The following WDR70 variants were observed in gnomAD, a reference collection of about 807,000 sequenced individuals.
The protein encoded by WDR70 is WD repeat-containing protein 70.
A neutral mutation model predicts 88.6 loss-of-function variants in WDR70; 53 were observed. The observed-to-expected ratio is 0.60, with a 90% CI of 0.48 to 0.75. WDR70 has a LOEUF of 0.75. WDR70 is among the 30% of genes least tolerant of loss of function. The pLI is 0.00. For missense variants in WDR70, 610 were observed against 823.2 expected (o/e 0.74, Z 3.17); for synonymous variants, 280 against 270.0 (o/e 1.04, Z -0.36).
rs201256518 is a variant in WDR70 at position 37,727,014 on chromosome 5, A to T, written c.1846A>T (p.Ser616Cys). Residue 616 changes from serine to cysteine, a missense_variant, in exon 17 of 18, where the codon AGC becomes TGC. Ser to Cys is a moderately radical substitution (Grantham distance 112, BLOSUM62 -1). This residue lies in a region of WDR70 where 70 missense variants were observed against 139.2 expected (regional missense o/e 0.50). Coordinates refer to ENST00000265107, the MANE Select transcript of WDR70 (RefSeq NM_018034.4). ...ILRHAKAAED[S>C]PYWVSPAYSK... is the part of the protein sequence containing the mutation. ...GCGTCATGCCAAAGCAGCAGAAGAC[A>T]GCCCATATTGGGTTTCTCCAGCATA... 12 of 1,610,376 alleles carry T rather than the reference A, an allele frequency of 7.5e-6. No individual in the cohort carries two copies. The highest frequency in any genetic ancestry group is 1.0e-5 in the Non-Finnish European group (12 of 1,178,590).
intron 9 of WDR70, among the ~76,000 whole-genome samples, chr5:37,527,235 C>T (rs1052576949): frequency 2.6e-5 from 4 of 152,160 alleles, no homozygotes; most frequent in African/African-American, 9.7e-5. Flanking sequence ...TCAAACTATA[C>T]TACAAGGCCA....
chr5:37,480,107 T>C lies in WDR70; in HGVS notation c.840+120T>C. 3 of 1,243,096 alleles carry C rather than the reference T, an allele frequency of 2.4e-6. No individual in the cohort carries two copies. In the South Asian group the frequency reaches 4.5e-5, roughly 19 times the overall value. The allele number at this position is 1,243,096 out of a possible 1,614,324, so 77.0% of individuals were successfully genotyped here. A position where few individuals can be genotyped will look rare whatever the true frequency, so the allele number is the denominator to read the frequency against. On this transcript the variant is annotated intron_variant, in intron 8 of 17. Coordinates refer to ENST00000265107, the MANE Select transcript of WDR70 (RefSeq NM_018034.4). ...GTGTCATAAAACAATAGCAATTTAT[T>C]TGTTCTCACAATCATGTGGATTGAT...
chr5:37,530,666 TAATTGTGCTTATTTGGA>T (rs1741453090), intron 9 of WDR70, among the ~76,000 whole-genome samples: 1 of 151,994 alleles, frequency 6.6e-6, no homozygotes, highest in African/African-American at 2.4e-5. Context: ...ATTTTTTTTC[TAATTGTGCTTATTTGGA>T]TTTTCTGTCT....
chr5:37,493,638 G>A (rs1030556504), intron 8 of WDR70, among the ~76,000 whole-genome samples: 1 of 152,114 alleles, frequency 6.6e-6, no homozygotes, highest in Non-Finnish European at 1.5e-5. Flanking sequence ...TCTGACCTAC[G>A]CAGCTGTTAG....
At chr5:37,746,034 T>C (rs576108570) in intron 17 of WDR70, among the ~76,000 whole-genome samples, 1 of 152,276 alleles carries the variant, frequency 6.6e-6, no homozygotes, top group South Asian at 2.1e-4. Context: ...AGTAAAACGC[T>C]CCTCAGCAAA....
At position 37,439,141 on chromosome 5, in the gene WDR70, A is replaced by G. The variant is rs148650164; in HGVS notation, c.552+1160A>G. Among the ~76,000 whole-genome samples, 669 of 152,006 alleles carry G rather than the reference A, an allele frequency of 4.4e-3. 8 individuals are homozygous for G. Among genetic ancestry groups the G allele is most frequent in the Non-Finnish European group, 4.4e-3 (296 of 67,992 alleles). Reference sequence around the variant, plus strand: ...CACCGTGTTAGCCAGGATGGTCTCGATCTGCTGACCTCATGATCTTCCTGC... The same window carrying G: ...CACCGTGTTAGCCAGGATGGTCTCGGTCTGCTGACCTCATGATCTTCCTGC... On this transcript the variant is annotated intron_variant, in intron 6 of 17. Coordinates refer to ENST00000265107, the MANE Select transcript of WDR70 (RefSeq NM_018034.4).
In WDR70 at chr5:37,516,505, A is replaced by G; in HGVS notation, c.841-9A>G. On this transcript the variant is annotated splice_polypyrimidine_tract_variant and intron_variant, in intron 8 of 17. Coordinates refer to ENST00000265107, the MANE Select transcript of WDR70 (RefSeq NM_018034.4). ...ACATCTTTTTTTCCCCTTTGTCTTT[A>G]TTTTTAAGGGTCATACAGCAATGCT... 1 of 1,564,110 alleles carries G rather than the reference A, an allele frequency of 6.4e-7. No homozygotes were observed. The highest frequency in any genetic ancestry group is 8.7e-7 in the Non-Finnish European group (1 of 1,147,314).
intron 13 of WDR70, among the ~76,000 whole-genome samples, chr5:37,716,187 A>G (rs1747650152): frequency 1.3e-5 from 2 of 152,210 alleles, no homozygotes; most frequent in African/African-American, 4.8e-5. Flanking sequence ...GCTGTGGAGG[A>G]TCCGGAAATG....
chr5:37,738,342 G>A (rs1016604158), intron 17 of WDR70, among the ~76,000 whole-genome samples: 3 of 152,112 alleles, frequency 2.0e-5, no homozygotes, highest in Non-Finnish European at 2.9e-5. Context: ...AAGTGATTTC[G>A]CCTCATACTT....
chr5:37,483,637 T>G (rs920001625), intron 8 of WDR70, among the ~76,000 whole-genome samples: 1 of 150,712 alleles, frequency 6.6e-6, no homozygotes, highest in African/African-American at 2.4e-5. Context: ...GACAGGGTGG[T>G]GGCCGGGCAG....
chr5:37,571,547 A>C (rs1742906023), intron 9 of WDR70, among the ~76,000 whole-genome samples: 1 of 152,224 alleles, frequency 6.6e-6, no homozygotes, highest in Admixed American at 6.5e-5. Context: ...CTACTGAATA[A>C]TTAATTTACC....
chr5:37,430,235 G>T (rs1199041164), intron 5 of WDR70, among the ~76,000 whole-genome samples: 1 of 152,156 alleles, frequency 6.6e-6, no homozygotes, highest in Non-Finnish European at 1.5e-5. Context: ...TCTTTATTGG[G>T]ATGTAAGGTC....
At chr5:37,723,344 A>ACC in intron 15 of WDR70, 1 of 187,928 alleles carries the variant, frequency 5.3e-6, no homozygotes, top group East Asian at 1.3e-4. Flanking sequence ...TGTGGCGACC[A>ACC]GAGGAAGGGT....
intron 9 of WDR70, among the ~76,000 whole-genome samples, chr5:37,528,009 G>A (rs1048639382): frequency 6.6e-6 from 1 of 152,168 alleles, no homozygotes; most frequent in Non-Finnish European, 1.5e-5. Context: ...GGAGAAATAG[G>A]AACACTTTTA....
chr5:37,560,260 G>A (rs1349576824), intron 9 of WDR70, among the ~76,000 whole-genome samples: 1 of 151,960 alleles, frequency 6.6e-6, no homozygotes, highest in Non-Finnish European at 1.5e-5. Context: ...AGCAGATCAG[G>A]GCCAGATATT....
At chr5:37,521,163 A>C (rs79629700) in intron 9 of WDR70, among the ~76,000 whole-genome samples, 22 of 152,304 alleles carry the variant, frequency 1.4e-4, no homozygotes, top group Non-Finnish European at 2.6e-4. Context: ...CATAGTTGAT[A>C]ATGTTTTAAC....
intron 8 of WDR70, among the ~76,000 whole-genome samples, chr5:37,510,951 T>C (rs1342303845): frequency 6.6e-6 from 1 of 152,212 alleles, no homozygotes; most frequent in Non-Finnish European, 1.5e-5. Context: ...TACCAGGAAG[T>C]ATGTGATGTC....
At chr5:37,743,712 C>T (rs532418119) in intron 17 of WDR70, among the ~76,000 whole-genome samples, 1 of 152,298 alleles carries the variant, frequency 6.6e-6, no homozygotes, top group South Asian at 2.1e-4. Context: ...GTGGTCATGG[C>T]TTCCCTGCAT....
chr5:37,439,003 C>T (rs1750569626), intron 6 of WDR70, among the ~76,000 whole-genome samples: 1 of 150,402 alleles, frequency 6.6e-6, no homozygotes, highest in Non-Finnish European at 1.5e-5. Flanking sequence ...CTGCAAGCTC[C>T]AACTCCCGGG....
Sources: gnomAD v4.1 joint callset for allele counts (sites outside exome capture counted in the v4.1 genomes callset) on GRCh38, gnomAD v4.1.1 for gene constraint, gnomAD v4.1.1 regional missense constraint, MANE v1.5 for transcripts, NCBI Gene and HGNC (gene_info 2026-07-23, HGNC 2026-07-21) for gene names.